The following FANCL variants were observed in gnomAD, a reference collection of about 807,000 sequenced individuals.
FANCL encodes the protein E3 ubiquitin-protein ligase FANCL.
In FANCL, 69 loss-of-function variants were observed where a neutral mutation model predicts 59.4. The ratio of observed to expected loss-of-function variants is 1.16; its 90% CI spans 0.96 to 1.42. The LOEUF (loss-of-function observed/expected upper bound fraction) is 1.42. Among genes scored for constraint, FANCL ranks in the 40% most tolerant of loss-of-function variants. FANCL has a pLI of 0.00. For missense variants in FANCL, 519 were observed against 447.2 expected (o/e 1.16, Z -1.45); for synonymous variants, 180 against 147.1 (o/e 1.22, Z -1.62).
intron 6 of FANCL, among the ~76,000 whole-genome samples, chr2:58,202,369 G>C (rs1830016): frequency 6.8e-6 from 1 of 147,174 alleles, no homozygotes; most frequent in Non-Finnish European, 1.5e-5. Context: ...TCACAATCTA[G>C]AACTAACTTT....
intron 7 of FANCL, among the ~76,000 whole-genome samples, chr2:58,177,504 C>A (rs1222305697): frequency 1.3e-5 from 2 of 151,552 alleles, no homozygotes; most frequent in Non-Finnish European, 2.9e-5. Flanking sequence ...AACTGGAAAT[C>A]ATCATTCTCA....
chr2:58,209,171 C>T (rs753157858), intron 5 of FANCL, among the ~76,000 whole-genome samples: 3 of 151,872 alleles, frequency 2.0e-5, no homozygotes, highest in Non-Finnish European at 4.4e-5. Context: ...GCTTGCCAAA[C>T]ACATAATAAA....
chr2:58,198,513 AT>A lies in FANCL; in HGVS notation c.540+80del, dbSNP rs1374561935. 1.2e-5 allele frequency: 14 copies of A among 1,186,644 alleles called. No individual in the cohort carries two copies. The Admixed American group carries it at 2.1e-4, about 17-fold the overall frequency. 73.5% of individuals were successfully genotyped at this position (1,186,644 alleles called of 1,614,324 possible). ...GTATTTACAGAGGGCCCAAGAAATA[AT>A]CCCCCCATGGATACTCTGGGACAAC... On this transcript the variant is annotated intron_variant, in intron 7 of 13. Transcript: ENST00000233741.
chr2:58,183,150 C>T (rs1688086692), intron 7 of FANCL, among the ~76,000 whole-genome samples: 1 of 151,246 alleles, frequency 6.6e-6, no homozygotes, highest in Non-Finnish European at 1.5e-5. Context: ...AGGATTGATA[C>T]CCTTAATATA....
chr2:58,193,096 C>T (rs1489397514), intron 7 of FANCL, among the ~76,000 whole-genome samples: 1 of 151,808 alleles, frequency 6.6e-6, no homozygotes, highest in African/African-American at 2.4e-5. Context: ...TACTGAAGGA[C>T]CTAAGTAAAT....
rs550466020 is a variant in FANCL, at chr2:58,196,645, T to C, written c.540+1949A>G. Among the ~76,000 whole-genome samples, 4 of 152,084 alleles carry C rather than the reference T, an allele frequency of 2.6e-5. No individual in the cohort carries two copies. In the South Asian group the frequency reaches 6.2e-4, roughly 24 times the overall value. On this transcript the variant is annotated intron_variant, in intron 7 of 13. Coordinates refer to ENST00000233741, the MANE Select transcript of FANCL (RefSeq NM_018062.4). The stretch of plus-strand genomic sequence containing the variant: ...TGCCTTCAAAGACTTTCCAGTCTAG[T>C]AGAGAGTCACAAACTGATTTTGTTA...
chr2:58,192,432 A>G lies in FANCL; in HGVS notation c.540+6162T>C, dbSNP rs1189237528. 3.9e-5 allele frequency among the ~76,000 whole-genome samples: 6 copies of G among 152,074 alleles called. No homozygotes were observed. In the East Asian group the frequency reaches 7.7e-4, roughly 20 times the overall value. On this transcript the variant is annotated intron_variant, in intron 7 of 13. Coordinates refer to ENST00000233741, the MANE Select transcript of FANCL (RefSeq NM_018062.4). Reference sequence around the variant, plus strand: ...GGTTGAATGAGTTATAACAACTTAGAAAACTAAAGAAATGGAAAAGTTTTT... The same window carrying G: ...GGTTGAATGAGTTATAACAACTTAGGAAACTAAAGAAATGGAAAAGTTTTT...
rs760502912 is a variant in FANCL at position 58,160,135 on chromosome 2, TATG to T, written c.1062_1064del (p.Ile355del). 6.2e-7 allele frequency: 1 copy of T among 1,612,898 alleles called. No homozygotes were observed. Among genetic ancestry groups the T allele is most frequent in the Non-Finnish European group, 8.5e-7 (1 of 1,179,100 alleles). On this transcript the variant is annotated inframe_deletion, in exon 13 of 14. Coordinates refer to ENST00000233741, the MANE Select transcript of FANCL (RefSeq NM_018062.4). ...TACTACAATATGGACATTCACCAAA[TATG>T]ATGTTAAAACTCTGTCTACTAGTTA... is the stretch of plus-strand genomic sequence containing the variant.
intron 7 of FANCL, among the ~76,000 whole-genome samples, chr2:58,174,960 C>T (rs141854952): frequency 0.015 from 2,214 of 152,148 alleles, 52 homozygotes; most frequent in African/African-American, 0.049. Context: ...ACATCACCAC[C>T]GATCCCACAG....
intron 5 of FANCL, among the ~76,000 whole-genome samples, chr2:58,208,005 G>A (rs573810372): frequency 3.9e-5 from 6 of 152,326 alleles, no homozygotes; most frequent in Non-Finnish European, 1.5e-5. Context: ...GTTGCAGTGA[G>A]CTATGATGGC....
At position 58,228,497 on chromosome 2, in the gene FANCL, C is replaced by T. The variant is rs1016932694; in HGVS notation, c.216+1317G>A. ...TCCAGAGGCCAAATCCAGCTCAATA[C>T]TGTTTTTGTAAACAAAGTTTTATTG... On this transcript the variant is annotated intron_variant, in intron 3 of 13. Transcript: ENST00000233741. Among the ~76,000 whole-genome samples, 6 of 152,216 alleles carry T rather than the reference C, an allele frequency of 3.9e-5. 1 individual carries two copies. In the East Asian group the frequency reaches 5.8e-4, roughly 15 times the overall value.
At chr2:58,235,627 T>C (rs764090694) in intron 1 of FANCL, among the ~76,000 whole-genome samples, 31 of 151,968 alleles carry the variant, frequency 2.0e-4, no homozygotes, top group Non-Finnish European at 4.0e-4. Flanking sequence ...AATCAAGATA[T>C]ACCAAGCACA....
At chr2:58,227,770 G>A (rs1252094409) in intron 3 of FANCL, among the ~76,000 whole-genome samples, 1 of 152,174 alleles carries the variant, frequency 6.6e-6, no homozygotes, top group Non-Finnish European at 1.5e-5. Flanking sequence ...TAGGTCAGTG[G>A]GCACAGGCCC....
At chr2:58,211,845 G>T (rs1691196769) in intron 5 of FANCL, among the ~76,000 whole-genome samples, 1 of 152,092 alleles carries the variant, frequency 6.6e-6, no homozygotes, top group Admixed American at 6.6e-5. Flanking sequence ...ACCTCCATCT[G>T]AGACCACCTC....
intron 1 of FANCL, among the ~76,000 whole-genome samples, chr2:58,235,196 C>T (rs1369575381): frequency 1.3e-5 from 2 of 151,866 alleles, no homozygotes; most frequent in Non-Finnish European, 2.9e-5. Flanking sequence ...CACAGAGAAA[C>T]GCCAGCGAAT....
intron 7 of FANCL, among the ~76,000 whole-genome samples, chr2:58,174,557 G>A (rs996777268): frequency 2.6e-5 from 4 of 152,230 alleles, no homozygotes; most frequent in Non-Finnish European, 5.9e-5. Flanking sequence ...ATAACAAAAT[G>A]AAGGCAGAAA....
chr2:58,215,367 TATCA>T (rs1450116126), intron 5 of FANCL, among the ~76,000 whole-genome samples: 3 of 152,194 alleles, frequency 2.0e-5, no homozygotes, highest in African/African-American at 7.2e-5. Context: ...CATGAATAAA[TATCA>T]ACCAGTCCTC....
At chr2:58,181,530 C>T (rs115732778) in intron 7 of FANCL, among the ~76,000 whole-genome samples, 20 of 152,076 alleles carry the variant, frequency 1.3e-4, no homozygotes, top group Non-Finnish European at 2.4e-4. Context: ...AAGAACTGAA[C>T]TCTAGTTAAA....
Position 58,241,200 on chromosome 2 carries a change from C to T in FANCL, c.96+18G>A, listed in dbSNP as rs1694510595. On this transcript the variant is annotated intron_variant, in intron 1 of 13. Transcript: ENST00000233741. ...GCAAGAGGCTCTCTTAGCTAGAAAG[C>T]AACCACTGGGCGGGTACCTGAGCCG... The T allele has an allele frequency of 6.2e-7, 1 of 1,613,802 alleles. No individual in the cohort carries two copies. Among genetic ancestry groups the T allele is most frequent in the South Asian group, 1.1e-5 (1 of 91,080 alleles).
Sources: gnomAD v4.1 joint callset for allele counts (sites outside exome capture counted in the v4.1 genomes callset) on GRCh38, gnomAD v4.1.1 for gene constraint, MANE v1.5 for transcripts, NCBI Gene and HGNC (gene_info 2026-07-23, HGNC 2026-07-21) for gene names.